The following RARB variants were observed in gnomAD, a reference collection of about 807,000 sequenced individuals.
The protein encoded by RARB is retinoic acid receptor beta, also known as HBV-activated protein.
A neutral mutation model predicts 51.9 loss-of-function variants in RARB; 17 were observed. That is an observed-to-expected ratio of 0.33 (90% CI 0.22 to 0.49). The LOEUF (loss-of-function observed/expected upper bound fraction) is 0.49, where lower values mean the gene tolerates loss of function less well. Ranked by LOEUF, RARB falls within the 20% of genes least tolerant of loss-of-function variation. The pLI is 0.99. For synonymous variants in RARB, 215 were observed against 195.4 expected (o/e 1.10, Z -0.84); for missense variants, 369 against 550.8 (o/e 0.67, Z 3.30).
chr3:25,428,593 T>C lies in RARB; in HGVS notation c.-139T>C. 1 of 1,394,138 alleles carries C rather than the reference T, an allele frequency of 7.2e-7. No individual in the cohort carries two copies. Among genetic ancestry groups the C allele is most frequent in the Non-Finnish European group, 9.4e-7 (1 of 1,067,298 alleles). 86.4% of individuals were successfully genotyped at this position (1,394,138 alleles called of 1,614,324 possible). A position where few individuals can be genotyped will look rare whatever the true frequency, so the allele number is the denominator to read the frequency against. On this transcript the variant is annotated 5_prime_UTR_variant, in exon 1 of 8. Transcript: ENST00000330688. ...TGGCTTGTCTGTCATAATTCATGATTCGGGGCTGGGAAAAAGACCAACAGC... is the reference window on the plus strand; with the variant it reads ...TGGCTTGTCTGTCATAATTCATGATCCGGGGCTGGGAAAAAGACCAACAGC...
At chr3:25,132,564 G>C (rs1031044354) in intron 4 of RARB, among the ~76,000 whole-genome samples, 8 of 151,778 alleles carry the variant, frequency 5.3e-5, no homozygotes, top group Admixed American at 4.6e-4. Flanking sequence ...CTCAAAAAAC[G>C]TTATGCTTGG....
Position 25,153,159 on chromosome 3 carries a change from T to TGC in RARB, c.-280+20952_-280+20953dup, listed in dbSNP as rs1491334758. Among the ~76,000 whole-genome samples, 12 of 148,592 alleles carry TGC rather than the reference T, an allele frequency of 8.1e-5. 1 individual carries two copies. The highest frequency in any genetic ancestry group is 3.0e-4 in the African/African-American group (12 of 40,170). On this transcript the variant is annotated intron_variant, in intron 4 of 11. Coordinates refer to the RARB transcript ENST00000383772. Reference sequence around the variant, plus strand: ...GAGTGTGTGTGTGTGTGTGTGTGTGTGCATGCGTGCGTGCATGCTTTCAGT... The same window carrying TGC: ...GAGTGTGTGTGTGTGTGTGTGTGTGTGCGCATGCGTGCGTGCATGCTTTCAGT...
At chr3:25,273,374 T>G (rs1703298386) in intron 5 of RARB, among the ~76,000 whole-genome samples, 2 of 152,220 alleles carry the variant, frequency 1.3e-5, no homozygotes, top group Admixed American at 6.5e-5. Flanking sequence ...TTTAAAATCA[T>G]CACCTAATGG....
intron 5 of RARB, among the ~76,000 whole-genome samples, chr3:25,207,642 C>T (rs938885878): frequency 6.6e-6 from 1 of 152,118 alleles, no homozygotes; most frequent in Admixed American, 6.5e-5. Context: ...TATTTAATTT[C>T]TCTCTCCCTG....
chr3:24,880,078 A>AT (rs1162406349), intron 2 of RARB, among the ~76,000 whole-genome samples: 4 of 151,562 alleles, frequency 2.6e-5, no homozygotes, highest in Middle Eastern at 6.3e-3. Flanking sequence ...TTTTTCCTCT[A>AT]TTTTTTGCTT....
At chr3:24,992,682 T>G (rs978643767) in intron 2 of RARB, among the ~76,000 whole-genome samples, 2 of 151,882 alleles carry the variant, frequency 1.3e-5, no homozygotes, top group Admixed American at 1.3e-4. Flanking sequence ...GGCTTATAGA[T>G]GGCCATCTCC....
intron 3 of RARB, among the ~76,000 whole-genome samples, chr3:25,521,714 A>G (rs907222105): frequency 6.6e-6 from 1 of 152,190 alleles, no homozygotes; most frequent in African/African-American, 2.4e-5. Context: ...TGGGCAAGTC[A>G]CTTAACCTCT....
At chr3:24,924,301 A>G (rs982875432) in intron 2 of RARB, among the ~76,000 whole-genome samples, 2 of 152,170 alleles carry the variant, frequency 1.3e-5, no homozygotes, top group African/African-American at 4.8e-5. Flanking sequence ...GCTCAGCTGA[A>G]GAATTGTGAT....
At chr3:25,084,716 C>CT (rs1383163787) in intron 3 of RARB, among the ~76,000 whole-genome samples, 3 of 150,570 alleles carry the variant, frequency 2.0e-5, no homozygotes, top group African/African-American at 4.9e-5. Flanking sequence ...TGCATTTTTC[C>CT]TTTTTTATAT....
intron 5 of RARB, among the ~76,000 whole-genome samples, chr3:25,255,458 G>C (rs948232501): frequency 8.6e-5 from 13 of 151,960 alleles, no homozygotes; most frequent in African/African-American, 1.5e-4. Context: ...CCTCAGAAAG[G>C]GTACAATTAC....
rs186157777 is a variant in RARB at position 24,921,875 on chromosome 3, C to T, written c.-380+63123C>T. 3.4e-3 allele frequency among the ~76,000 whole-genome samples: 516 copies of T among 152,288 alleles called. 7 individuals carry two copies. The highest frequency in any genetic ancestry group is 5.0e-4 in the Non-Finnish European group (34 of 68,038). ...TAAGAAATTATACATTTCACATACCCTGATTCTAGGTTTAAGCAATTCATG... is the reference window on the plus strand; with the variant it reads ...TAAGAAATTATACATTTCACATACCTTGATTCTAGGTTTAAGCAATTCATG... On this transcript the variant is annotated intron_variant, in intron 2 of 11. Coordinates refer to the RARB transcript ENST00000383772.
At chr3:25,158,937 G>T (rs1700424502) in intron 4 of RARB, among the ~76,000 whole-genome samples, 2 of 152,002 alleles carry the variant, frequency 1.3e-5, no homozygotes. Context: ...TAGGCGATTT[G>T]GGGGACTAGG....
At chr3:25,261,027 G>T (rs1176136253) in intron 5 of RARB, among the ~76,000 whole-genome samples, 1 of 152,086 alleles carries the variant, frequency 6.6e-6, no homozygotes, top group African/African-American at 2.4e-5. Context: ...GTAAAATGAG[G>T]CTAAGAGTAG....
intron 1 of RARB, among the ~76,000 whole-genome samples, chr3:25,434,175 G>A (rs938177759): frequency 6.6e-6 from 1 of 152,212 alleles, no homozygotes; most frequent in African/African-American, 2.4e-5. Context: ...TCCCCCAGCA[G>A]CTGAAGAACT....
chr3:25,303,232 C>A (rs1279140132), intron 5 of RARB, among the ~76,000 whole-genome samples: 1 of 152,138 alleles, frequency 6.6e-6, no homozygotes, highest in East Asian at 1.9e-4. Context: ...TGAGAAAACC[C>A]AAGTCAGAGA....
intron 5 of RARB, among the ~76,000 whole-genome samples, chr3:25,580,973 G>A (rs1399681420): frequency 6.6e-6 from 1 of 152,138 alleles, no homozygotes; most frequent in East Asian, 1.9e-4. Flanking sequence ...AACTCTACAG[G>A]TGAATGCTGG....
At chr3:24,988,071 G>A (rs541445608) in intron 2 of RARB, among the ~76,000 whole-genome samples, 5 of 152,090 alleles carry the variant, frequency 3.3e-5, no homozygotes, top group South Asian at 4.2e-4. Flanking sequence ...TGGTTGAAAC[G>A]CTTGCTAGAT....
At chr3:25,577,878 C>T (rs1701004721) in intron 4 of RARB, among the ~76,000 whole-genome samples, 1 of 152,136 alleles carries the variant, frequency 6.6e-6, no homozygotes, top group Admixed American at 6.5e-5. Context: ...CATATATGGG[C>T]CACCACGCGG....
At chr3:25,556,818 C>G (rs1385092994) in intron 3 of RARB, among the ~76,000 whole-genome samples, 1 of 152,140 alleles carries the variant, frequency 6.6e-6, no homozygotes, top group Non-Finnish European at 1.5e-5. Flanking sequence ...GAGGGAGATG[C>G]AAGAGAAGTC....
Sources: allele counts gnomAD v4.1 joint callset (sites outside exome capture counted in the v4.1 genomes callset), GRCh38; gene constraint gnomAD v4.1.1; transcripts MANE v1.5; gene names NCBI Gene and HGNC (gene_info 2026-07-23, HGNC 2026-07-21).